The following ANKFN1 variants were observed in gnomAD, a reference collection of about 807,000 sequenced individuals.
ANKFN1 encodes ankyrin repeat and fibronectin type-III domain-containing protein 1.
In ANKFN1, 74 loss-of-function variants were observed where a neutral mutation model predicts 108.7. That is an observed-to-expected ratio of 0.68 (90% CI 0.56 to 0.83). ANKFN1 has a LOEUF of 0.83. Ranked by LOEUF, ANKFN1 falls within the 40% of genes least tolerant of loss-of-function variation. ANKFN1 has a pLI of 0.00. For missense variants in ANKFN1, 1,505 were observed against 1,382.3 expected (o/e 1.09, Z -1.41); for synonymous variants, 547 against 516.2 (o/e 1.06, Z -0.81).
chr17:56,385,721 T>C (rs1422953282), intron 8 of ANKFN1, among the ~76,000 whole-genome samples: 1 of 152,010 alleles, frequency 6.6e-6, no homozygotes, highest in East Asian at 1.9e-4. Flanking sequence ...CATGAAAAAA[T>C]GCTCACCATC....
intron 2 of ANKFN1, among the ~76,000 whole-genome samples, chr17:56,213,314 C>T (rs11079214): frequency 0.31 from 47,553 of 152,044 alleles, 9,029 homozygotes; most frequent in East Asian, 0.51. Context: ...AACACAGGAA[C>T]CCCGGTCTCT....
rs2144770358 is a variant in ANKFN1, at chr17:56,372,691, A to G, written c.647A>G (p.Gln216Arg). Residue 216 changes from glutamine (Q) to arginine (R), a missense_variant, in exon 7 of 21, where the codon CAG (glutamine) becomes CGG (arginine). Coordinates refer to ENST00000682825, the MANE Select transcript of ANKFN1 (RefSeq NM_001370326.1). Reference sequence around the variant, plus strand: ...GCAATGCACCTCAACACACTGGTCCAGGAAGCCCAGGAGAGGGTGAGTGAA... The same window carrying G: ...GCAATGCACCTCAACACACTGGTCCGGGAAGCCCAGGAGAGGGTGAGTGAA... ...SRAMHLNTLV[Q>R]EAQERVSELS... 1.2e-6 allele frequency: 2 copies of G among 1,613,996 alleles called. No individual in the cohort carries two copies. Among genetic ancestry groups the G allele is most frequent in the Non-Finnish European group, 1.7e-6 (2 of 1,179,954 alleles).
At chr17:56,423,337 G>A (rs2048466837) in intron 8 of ANKFN1, among the ~76,000 whole-genome samples, 1 of 152,162 alleles carries the variant, frequency 6.6e-6, no homozygotes, top group Non-Finnish European at 1.5e-5. Flanking sequence ...GCTAGCAGTG[G>A]GCAAAGTCCT....
intron 3 of ANKFN1, among the ~76,000 whole-genome samples, chr17:56,286,512 T>C (rs1168420379): frequency 6.6e-6 from 1 of 152,188 alleles, no homozygotes; most frequent in Non-Finnish European, 1.5e-5. Context: ...AGGTTGATGC[T>C]GGCTGTCAGC....
At chr17:56,386,714 G>T (rs568927142) in intron 8 of ANKFN1, among the ~76,000 whole-genome samples, 2 of 151,232 alleles carry the variant, frequency 1.3e-5, no homozygotes, top group South Asian at 4.2e-4. Flanking sequence ...ACTGTGAATA[G>T]TAGCTGTGAG....
chr17:56,167,000 C>G (rs1008601657), intron 1 of ANKFN1, among the ~76,000 whole-genome samples: 1 of 151,930 alleles, frequency 6.6e-6, no homozygotes, highest in African/African-American at 2.4e-5. Flanking sequence ...TACCCAGCCC[C>G]TAGTGCTGTG....
intron 1 of ANKFN1, among the ~76,000 whole-genome samples, chr17:56,169,550 T>TC (rs1910459621): frequency 2.0e-5 from 3 of 152,164 alleles, no homozygotes; most frequent in Non-Finnish European, 4.4e-5. Flanking sequence ...ATTATAGGCA[T>TC]GAGCAACGAA....
chr17:56,104,588 G>A (rs1194723957), intron 4 of ANKFN1, among the ~76,000 whole-genome samples: 3 of 152,210 alleles, frequency 2.0e-5, no homozygotes, highest in South Asian at 2.1e-4. Flanking sequence ...CTGGCTGGAG[G>A]TGCCCAGAGC....
chr17:56,075,180 C>G lies in ANKFN1; in HGVS notation c.288+28855C>G, dbSNP rs79124810. The stretch of plus-strand genomic sequence containing the variant: ...ATAAAACTGTGGAGTCATGTAGCAC[C>G]TGGAATTGTGCTATTTTAATTGTGA... On this transcript the variant is annotated intron_variant, in intron 4 of 12. Coordinates refer to the ANKFN1 transcript ENST00000635860. Among the ~76,000 whole-genome samples, 729 of 152,224 alleles carry G rather than the reference C, an allele frequency of 4.8e-3. 4 individuals are homozygous for G. The highest frequency in any genetic ancestry group is 8.3e-3 in the Non-Finnish European group (567 of 67,998).
chr17:56,339,778 TC>T (rs1405862467), intron 4 of ANKFN1, among the ~76,000 whole-genome samples: 1 of 151,998 alleles, frequency 6.6e-6, no homozygotes, highest in East Asian at 1.9e-4. Context: ...TGCATGTATG[TC>T]TTTATAATAC....
At chr17:56,089,089 A>G (rs1013823744) in intron 4 of ANKFN1, among the ~76,000 whole-genome samples, 1 of 151,420 alleles carries the variant, frequency 6.6e-6, no homozygotes, top group African/African-American at 2.4e-5. Flanking sequence ...TTGTATGAAC[A>G]TATGTGGAGG....
At chr17:56,370,236 G>A (rs544170193) in intron 6 of ANKFN1, among the ~76,000 whole-genome samples, 4 of 152,274 alleles carry the variant, frequency 2.6e-5, no homozygotes, top group South Asian at 4.1e-4. Flanking sequence ...GCATTATCTT[G>A]AAGAGGTGGA....
In ANKFN1 at chr17:56,513,753, A is replaced by G. The variant is rs2051841007; in HGVS notation, c.*2484A>G. On this transcript the variant is annotated 3_prime_UTR_variant, in exon 21 of 21. Transcript: ENST00000682825. ...TTACTTTTTCATCTTCTGTGAGGAA[A>G]GAAGGCATGCCCACAAAAAGAATAA... 6.6e-6 allele frequency among the ~76,000 whole-genome samples: 1 copy of G among 152,248 alleles called. No homozygotes were observed. Among genetic ancestry groups the G allele is most frequent in the African/African-American group, 2.4e-5 (1 of 41,466 alleles).
intron 1 of ANKFN1, among the ~76,000 whole-genome samples, chr17:56,165,145 C>G (rs1910031641): frequency 6.6e-6 from 1 of 152,174 alleles, no homozygotes; most frequent in Non-Finnish European, 1.5e-5. Flanking sequence ...CTGCTACGTG[C>G]CTTTCATTCT....
chr17:56,505,292 C>T (rs1398038612), intron 20 of ANKFN1, among the ~76,000 whole-genome samples: 2 of 152,146 alleles, frequency 1.3e-5, no homozygotes, highest in East Asian at 3.8e-4. Context: ...TATCACTATT[C>T]GTTATGCTCC....
At chr17:56,197,901 T>C (rs1419414796) in intron 1 of ANKFN1, among the ~76,000 whole-genome samples, 1 of 152,160 alleles carries the variant, frequency 6.6e-6, no homozygotes, top group African/African-American at 2.4e-5. Context: ...TTCCAGCTAC[T>C]CAGGAGGCTG....
At chr17:56,136,776 G>A (rs1393900320) in intron 4 of ANKFN1, among the ~76,000 whole-genome samples, 2 of 152,172 alleles carry the variant, frequency 1.3e-5, no homozygotes, top group Non-Finnish European at 2.9e-5. Context: ...TTTGCATGGT[G>A]AAGCCTATGA....
intron 1 of ANKFN1, chr17:56,153,732 T>A (rs1026474388): frequency 1.5e-6 from 1 of 673,104 alleles, no homozygotes; most frequent in African/African-American, 1.8e-5. Context: ...GTCTGTAATG[T>A]GTGTCTTTGT....
chr17:56,450,144 C>G lies in ANKFN1; in HGVS notation c.1207+958C>G, dbSNP rs1197668327. ...CTGCTGGAACAGCTGGGTAAGAAAT[C>G]CACTATTGTGGAGGATCTCTTGAGC... On this transcript the variant is annotated intron_variant, in intron 11 of 20. Transcript: ENST00000682825. Among the ~76,000 whole-genome samples the G allele has an allele frequency of 2.0e-5, 3 of 152,176 alleles. No homozygotes were observed. The East Asian group carries it at 5.8e-4, about 29-fold the overall frequency.
Sources: allele counts gnomAD v4.1 joint callset (sites outside exome capture counted in the v4.1 genomes callset), GRCh38; gene constraint gnomAD v4.1.1; transcripts MANE v1.5; gene names NCBI Gene and HGNC (gene_info 2026-07-23, HGNC 2026-07-21).